TACC2: variants seen among roughly 807,000 people sequenced by gnomAD.
TACC2 encodes transforming acidic coiled-coil-containing protein 2.
Under a neutral mutation model 227.3 loss-of-function variants are expected in TACC2, and 137 were observed. That is an observed-to-expected ratio of 0.60 (90% confidence interval 0.52 to 0.69). The LOEUF (loss-of-function observed/expected upper bound fraction) is 0.69. Among genes scored for constraint, TACC2 ranks in the 30% least tolerant of loss-of-function variants. The pLI, the probability that TACC2 is intolerant of heterozygous loss-of-function variation, is 0.00. For missense variants in TACC2, 3,470 were observed against 3,694.4 expected, an observed-to-expected ratio of 0.94 and a Z score of 1.57; for synonymous variants, 1,523 against 1,487.5, an observed-to-expected ratio of 1.02 and a Z score of -0.55.
rs755079853 is a variant in TACC2, at chr10:122,237,500, C to G, written c.8233C>G (p.Pro2745Ala). 7 of 1,613,980 alleles carry G rather than the reference C, an allele frequency of 4.3e-6. No homozygotes were observed. Among genetic ancestry groups the G allele is most frequent in the Non-Finnish European group, 5.9e-6 (7 of 1,179,992 alleles). Residue 2745 changes from proline (P) to alanine (A), a missense_variant, in exon 17 of 23, where the codon CCC (proline) becomes GCC (alanine). Around this residue, in one of 10 missense-constraint regions of TACC2, gnomAD observed 345 missense variants for 354.4 expected, o/e 0.97. Coordinates refer to ENST00000369005, the MANE Select transcript of TACC2 (RefSeq NM_206862.4). Reference protein sequence around the residue: ...EKPAGLLFQQPDLDSALQIAR... With the variant: ...EKPAGLLFQQADLDSALQIAR... ...ACCTGCAGGCCTTCTGTTCCAGCAG[C>G]CCGACCTGGACTCTGCCCTCCAGAT...
intron 2 of TACC2, among the ~76,000 whole-genome samples, chr10:122,042,669 C>T (rs531272489): frequency 6.6e-6 from 1 of 152,292 alleles, no homozygotes; most frequent in Non-Finnish European, 1.5e-5. Context: ...CGTGGTCTAG[C>T]CTTGTCCTTT....
chr10:122,096,957 T>C (rs2081509734), intron 5 of TACC2, among the ~76,000 whole-genome samples: 1 of 152,340 alleles, frequency 6.6e-6, no homozygotes, highest in South Asian at 2.1e-4. Flanking sequence ...GGGAAGGCAC[T>C]GGAACAGGTC....
intron 12 of TACC2, among the ~76,000 whole-genome samples, chr10:122,225,119 T>G (rs557249438): frequency 6.6e-6 from 1 of 152,224 alleles, no homozygotes; most frequent in African/African-American, 2.4e-5. Flanking sequence ...ATTAGCTGTT[T>G]TTGAGAAATT....
rs766722368 is a variant in TACC2 at position 122,082,776 on chromosome 10, T to C, written c.276T>C (p.Gly92=). The C allele has an allele frequency of 6.2e-7, 1 of 1,613,652 alleles. No individual in the cohort carries two copies. Residue 92 remains glycine (G), a synonymous_variant, in exon 4 of 23, where the codon GGT becomes GGC. Coordinates refer to ENST00000369005, the MANE Select transcript of TACC2 (RefSeq NM_206862.4). The stretch of plus-strand genomic sequence containing the variant: ...CACAGGGAGCCAGGGGGCCAGAAGG[T>C]TCTTTGCTGCCCAGCCCACCACCGT... ...KDPQGARGPE[G]SLLPSPPPSQ... is the part of the protein sequence containing the mutation.
At chr10:122,132,053 A>AGG (rs2088295934) in intron 5 of TACC2, among the ~76,000 whole-genome samples, 1 of 31,082 alleles carries the variant, frequency 3.2e-5, no homozygotes, top group Non-Finnish European at 1.2e-4. Flanking sequence ...AGAAAGAAAG[A>AGG]AAGAAAGAAA....
intron 16 of TACC2, among the ~76,000 whole-genome samples, chr10:122,233,776 G>A (rs2095804245): frequency 6.6e-6 from 1 of 152,180 alleles, no homozygotes; most frequent in Non-Finnish European, 1.5e-5. Context: ...TTGGCTGGAG[G>A]CTGTGTCTTG....
In TACC2 at chr10:122,126,013, G is replaced by A. The variant is rs1400287637; in HGVS notation, c.5574-6596G>A. Reference sequence around the variant, plus strand: ...AGGATGATCTCGATCTCCTGACCTCGTGATCCACCCACCTCAGCCTCCCAA... The same window carrying A: ...AGGATGATCTCGATCTCCTGACCTCATGATCCACCCACCTCAGCCTCCCAA... On this transcript the variant is annotated intron_variant, in intron 5 of 22. Transcript: ENST00000369005. Among the ~76,000 whole-genome samples, 6 of 151,968 alleles carry A rather than the reference G, an allele frequency of 3.9e-5. No individual in the cohort carries two copies. The East Asian group carries it at 5.9e-4, about 15-fold the overall frequency.
intron 11 of TACC2, among the ~76,000 whole-genome samples, chr10:122,223,905 A>AC (rs1386799573): frequency 6.6e-6 from 1 of 152,158 alleles, no homozygotes; most frequent in African/African-American, 2.4e-5. Flanking sequence ...TTCTGTGAAG[A>AC]CAGAAGTCCA....
At chr10:122,137,982 C>T (rs925831683) in intron 6 of TACC2, among the ~76,000 whole-genome samples, 1 of 152,120 alleles carries the variant, frequency 6.6e-6, no homozygotes. Context: ...GCCTCACCAG[C>T]GAGTTTCCAG....
At chr10:121,998,517 T>G (rs1420930865) in intron 1 of TACC2, among the ~76,000 whole-genome samples, 7 of 152,160 alleles carry the variant, frequency 4.6e-5, no homozygotes, top group Non-Finnish European at 1.5e-5. Context: ...ATGTCATGGA[T>G]AGCAGGAGCA....
chr10:122,238,816 G>A (rs1204476792), intron 18 of TACC2, among the ~76,000 whole-genome samples: 3 of 152,150 alleles, frequency 2.0e-5, no homozygotes, highest in African/African-American at 7.2e-5. Flanking sequence ...GCCTCACTCT[G>A]TTTAACAGGT....
At chr10:122,036,524 G>C (rs1408285200) in intron 2 of TACC2, among the ~76,000 whole-genome samples, 1 of 139,258 alleles carries the variant, frequency 7.2e-6, no homozygotes, top group Non-Finnish European at 1.5e-5. Context: ...TTTTAAGACA[G>C]AGTCTCGCTC....
At position 122,150,428 on chromosome 10, in the gene TACC2, C is replaced by T. The variant is rs935882198; in HGVS notation, c.5834+6722C>T. ...GAGGCCAGGAGCCCACCCTCCTCCC[C>T]GAGCACGGCTGCCCAGGGACGGCCC... On this transcript the variant is annotated intron_variant, in intron 7 of 22. Coordinates refer to ENST00000369005, the MANE Select transcript of TACC2 (RefSeq NM_206862.4). This position sits in a 1 kb window ranked among gnomAD's most constrained non-coding sequence, Gnocchi z 4.0. Among the ~76,000 whole-genome samples, 2 of 152,184 alleles carry T rather than the reference C, an allele frequency of 1.3e-5. No homozygotes were observed. Among genetic ancestry groups the T allele is most frequent in the Admixed American group, 6.5e-5 (1 of 15,276 alleles).
chr10:122,111,729 C>T (rs2083651485), intron 5 of TACC2, among the ~76,000 whole-genome samples: 1 of 151,790 alleles, frequency 6.6e-6, no homozygotes, highest in Non-Finnish European at 1.5e-5. Flanking sequence ...CTCCTGACCT[C>T]GTGATCTGTC....
At chr10:122,043,313 C>T (rs915079691) in intron 2 of TACC2, among the ~76,000 whole-genome samples, 6 of 152,128 alleles carry the variant, frequency 3.9e-5, no homozygotes, top group Middle Eastern at 3.2e-3. Flanking sequence ...TAATGGCCAC[C>T]GCTTGTGACC....
intron 3 of TACC2, among the ~76,000 whole-genome samples, chr10:122,058,885 CCT>C (rs1565179919): frequency 7.9e-6 from 1 of 126,770 alleles, no homozygotes; most frequent in Non-Finnish European, 1.7e-5. Flanking sequence ...AGCCCAGCCC[CCT>C]CTGTGTGTTT....
intron 18 of TACC2, among the ~76,000 whole-genome samples, 155 bp downstream of exon 18, chr10:122,238,192 C>T (rs889414082): frequency 6.6e-6 from 1 of 152,102 alleles, no homozygotes; most frequent in African/African-American, 2.4e-5. Context: ...AGTATTTTTA[C>T]TCTATTACTA....
At chr10:122,206,476 G>A (rs1284953488) in intron 8 of TACC2, among the ~76,000 whole-genome samples, 4 of 152,198 alleles carry the variant, frequency 2.6e-5, no homozygotes, top group African/African-American at 9.6e-5. Context: ...GTTCCTATAC[G>A]AAGAGGAAGA....
chr10:122,027,341 T>C (rs1174239543), intron 2 of TACC2, among the ~76,000 whole-genome samples: 1 of 152,238 alleles, frequency 6.6e-6, no homozygotes, highest in Non-Finnish European at 1.5e-5. Context: ...AAGTTTCTTG[T>C]ATATTTTGGA....
Sources: allele counts gnomAD v4.1 joint callset (sites outside exome capture counted in the v4.1 genomes callset), GRCh38; gene constraint gnomAD v4.1.1; regional missense constraint gnomAD v4.1.1; non-coding constraint Gnocchi (gnomAD v3.1); transcripts MANE v1.5; gene names NCBI Gene and HGNC (gene_info 2026-07-23, HGNC 2026-07-21).